The following TNIP1 variants were observed in gnomAD, a reference collection of about 807,000 sequenced individuals.
The protein encoded by TNIP1 is TNFAIP3 interacting protein 1.
In TNIP1, 22 loss-of-function variants were observed where a neutral mutation model predicts 86.6. The ratio of observed to expected loss-of-function variants is 0.25; its 90% CI spans 0.18 to 0.36. TNIP1 has a LOEUF of 0.36. Among genes scored for constraint, TNIP1 ranks in the 10% least tolerant of loss-of-function variants. The pLI is 1.00. For synonymous variants in TNIP1, 294 were observed against 313.0 expected, an observed-to-expected ratio of 0.94 and a Z score of 0.64; for missense variants, 709 against 820.6, an observed-to-expected ratio of 0.86 and a Z score of 1.66.
rs530077390 is a variant in TNIP1 at position 151,048,611 on chromosome 5, T to C, written c.846+1213A>G. Among the ~76,000 whole-genome samples the C allele has an allele frequency of 3.2e-4, 48 of 152,276 alleles. 1 individual carries two copies. Among genetic ancestry groups the C allele is most frequent in the African/African-American group, 1.2e-3 (48 of 41,556 alleles). On this transcript the variant is annotated intron_variant, in intron 8 of 17. Transcript: ENST00000521591. ...TCTCAGGAAGGGCAGGAAGAGCATC[T>C]GGCTCGGGGCATTCAAGGAAGACGA... is the stretch of plus-strand genomic sequence containing the variant.
Position 151,052,248 on chromosome 5 carries a change from C to T in TNIP1, c.639G>A (p.Glu213=). Residue 213 remains glutamate, a synonymous_variant, in exon 7 of 18, where the codon GAG becomes GAA. Transcript: ENST00000521591. Reference sequence around the variant, plus strand: ...GAGCCTCGTTCTCCTTCCGAAGCTGCTCACACAGGGTCTGTGGGGCAGGGG... The same window carrying T: ...GAGCCTCGTTCTCCTTCCGAAGCTGTTCACACAGGGTCTGTGGGGCAGGGG... ...QRTSILQTLC[E]QLRKENEALK... is the part of the protein sequence containing the mutation. 6.2e-7 allele frequency: 1 copy of T among 1,613,864 alleles called. No homozygotes were observed. The highest frequency in any genetic ancestry group is 8.5e-7 in the Non-Finnish European group (1 of 1,179,902).
chr5:151,050,371 G>A (rs1020223974), intron 7 of TNIP1, among the ~76,000 whole-genome samples: 2 of 152,214 alleles, frequency 1.3e-5, no homozygotes. Context: ...TAACACAGAA[G>A]GTGCAGGCTG....
chr5:151,073,690 T>C (rs575341536), intron 1 of TNIP1, among the ~76,000 whole-genome samples: 1 of 151,632 alleles, frequency 6.6e-6, no homozygotes, highest in South Asian at 2.1e-4. Flanking sequence ...GGCCAGGGGT[T>C]CAAGACCAGC....
intron 1 of TNIP1, among the ~76,000 whole-genome samples, chr5:151,072,803 T>C (rs985483442): frequency 6.6e-6 from 1 of 152,218 alleles, no homozygotes; most frequent in Non-Finnish European, 1.5e-5. Flanking sequence ...TATATTCCTA[T>C]TGAGGGAGCC....
intron 1 of TNIP1, among the ~76,000 whole-genome samples, chr5:151,086,180 A>G (rs1169111147): frequency 6.6e-6 from 1 of 152,210 alleles, no homozygotes; most frequent in Non-Finnish European, 1.5e-5. Flanking sequence ...GAGTGGACCA[A>G]TCAGACCCGC....
At position 151,079,103 on chromosome 5, in the gene TNIP1, G is replaced by A. The variant is rs149524352; in HGVS notation, c.-37+1777C>T. 1.0e-3 allele frequency among the ~76,000 whole-genome samples: 155 copies of A among 152,296 alleles called. 1 individual carries two copies. Among genetic ancestry groups the A allele is most frequent in the African/African-American group, 3.3e-3 (139 of 41,560 alleles). Reference sequence around the variant, plus strand: ...GGGAGACAAACGTGGTTACATAAGCGTGTAGAACACTGCACACTCCCAGCG... The same window carrying A: ...GGGAGACAAACGTGGTTACATAAGCATGTAGAACACTGCACACTCCCAGCG... On this transcript the variant is annotated intron_variant, in intron 1 of 17. Coordinates refer to ENST00000521591, the MANE Select transcript of TNIP1 (RefSeq NM_006058.5).
intron 1 of TNIP1, among the ~76,000 whole-genome samples, chr5:151,068,908 A>C (rs747524096): frequency 9.2e-5 from 14 of 152,200 alleles, no homozygotes; most frequent in Non-Finnish European, 1.8e-4. Flanking sequence ...CCAAACCAGA[A>C]ACAGCTGGTG....
chr5:151,039,512 C>A (rs1758147205), intron 11 of TNIP1, among the ~76,000 whole-genome samples: 1 of 152,222 alleles, frequency 6.6e-6, no homozygotes, highest in Non-Finnish European at 1.5e-5. Context: ...AGACCCCTGG[C>A]ACTGCCACAG....
chr5:151,073,877 T>A (rs985095999), intron 1 of TNIP1, among the ~76,000 whole-genome samples: 2 of 151,992 alleles, frequency 1.3e-5, no homozygotes, highest in Non-Finnish European at 2.9e-5. Flanking sequence ...CCAGCCTGAG[T>A]GACAGACTAA....
At chr5:151,077,924 G>C (rs7708392) in intron 1 of TNIP1, among the ~76,000 whole-genome samples, 66,452 of 152,074 alleles carry the variant, frequency 0.44, 18,419 homozygotes, top group African/African-American at 0.76. Context: ...TCCAGTTATT[G>C]TGACTAGTCT....
At chr5:151,032,877 G>A (rs570602724) in intron 16 of TNIP1, 2 of 164,952 alleles carry the variant, frequency 1.2e-5, no homozygotes, top group Non-Finnish European at 1.3e-5. Flanking sequence ...TGTAATCCTA[G>A]CACTTTGGGA....
chr5:151,060,483 C>A, intron 4 of TNIP1, 88 bp from the exon 5 acceptor site: 1 of 1,160,790 alleles, frequency 8.6e-7, no homozygotes, highest in East Asian at 2.4e-5. Flanking sequence ...GCAAGGGGGA[C>A]AAAATCTCTT....
chr5:151,069,906 A>C (rs905538252), intron 1 of TNIP1, among the ~76,000 whole-genome samples: 1 of 152,218 alleles, frequency 6.6e-6, no homozygotes, highest in African/African-American at 2.4e-5. Context: ...AGGAGCTAGC[A>C]GCAAGCTGAG....
intron 8 of TNIP1, among the ~76,000 whole-genome samples, chr5:151,047,515 T>C (rs1212539242): frequency 6.6e-6 from 1 of 152,098 alleles, no homozygotes; most frequent in African/African-American, 2.4e-5. Context: ...GCAAATCTGG[T>C]GAAATCTGAA....
intron 5 of TNIP1, 146 bp downstream of exon 5, chr5:151,060,172 C>A: frequency 1.3e-6 from 1 of 768,192 alleles, no homozygotes; most frequent in Admixed American, 2.4e-5. Flanking sequence ...GCGAGAAGCA[C>A]CCTTTGCTCC....
chr5:151,040,023 C>G (rs1758220127), intron 11 of TNIP1, among the ~76,000 whole-genome samples: 1 of 152,172 alleles, frequency 6.6e-6, no homozygotes, highest in Non-Finnish European at 1.5e-5. Flanking sequence ...AGTGACGTAC[C>G]CAAGGCCACA....
intron 1 of TNIP1, among the ~76,000 whole-genome samples, chr5:151,086,796 G>A (rs989427892): frequency 3.3e-5 from 5 of 152,246 alleles, no homozygotes; most frequent in African/African-American, 1.2e-4. Flanking sequence ...CAACTAGAGA[G>A]AAAAAGACTG....
At position 151,035,702 on chromosome 5, in the gene TNIP1, C is replaced by A; in HGVS notation, c.1401G>T (p.Lys467Asn). The A allele has an allele frequency of 6.2e-7, 1 of 1,614,090 alleles. No individual in the cohort carries two copies. ...CCCTCTGGAAGTCCTCCTCGAAGATCTTCACCTGGTGTGGAGGGAGGGTGA... is the reference window on the plus strand; with the variant it reads ...CCCTCTGGAAGTCCTCCTCGAAGATATTCACCTGGTGTGGAGGGAGGGTGA... ...TQNELLKQQV[K>N]IFEEDFQRER... The change falls in exon 14 of 18, where the codon AAG becomes AAT. Residue 467 changes from lysine (K) to asparagine (N), a missense_variant. By Grantham distance (94) the Lys-to-Asn change is moderately conservative. Coordinates refer to ENST00000521591, the MANE Select transcript of TNIP1 (RefSeq NM_006058.5).
intron 1 of TNIP1, among the ~76,000 whole-genome samples, chr5:151,068,305 G>A (rs561220658): frequency 9.8e-5 from 15 of 152,306 alleles, no homozygotes; most frequent in African/African-American, 3.1e-4. Flanking sequence ...CTGGGCAGAC[G>A]GGAACTCTCC....
Sources: allele counts gnomAD v4.1 joint callset (sites outside exome capture counted in the v4.1 genomes callset), GRCh38; gene constraint gnomAD v4.1.1; transcripts MANE v1.5; gene names NCBI Gene and HGNC (gene_info 2026-07-23, HGNC 2026-07-21).